GALNT18: variants seen among roughly 807,000 people sequenced by gnomAD.
GALNT18 encodes GalNAc-transferase 18.
A neutral mutation model predicts 69.5 loss-of-function variants in GALNT18; 44 were observed. That is an observed-to-expected ratio of 0.63 (90% CI 0.50 to 0.81). The LOEUF (loss-of-function observed/expected upper bound fraction) is 0.81, where lower values mean the gene tolerates loss of function less well. Among genes scored for constraint, GALNT18 ranks in the 40% least tolerant of loss-of-function variants. GALNT18 has a pLI of 0.00. For missense variants in GALNT18, 715 were observed against 810.0 expected (o/e 0.88, Z 1.42); for synonymous variants, 364 against 318.2 (o/e 1.14, Z -1.53).
At chr11:11,406,756 C>G (rs531980861) in intron 3 of GALNT18, among the ~76,000 whole-genome samples, 1 of 152,312 alleles carries the variant, frequency 6.6e-6, no homozygotes, top group Admixed American at 6.5e-5. Flanking sequence ...ATGGGAGATG[C>G]CTGAGATAAA....
chr11:11,572,183 G>A (rs559094744), intron 1 of GALNT18, among the ~76,000 whole-genome samples: 2 of 152,284 alleles, frequency 1.3e-5, no homozygotes, highest in Admixed American at 6.5e-5. Context: ...GTGTCTTGCC[G>A]GGATCCAGGC....
intron 1 of GALNT18, among the ~76,000 whole-genome samples, chr11:11,450,103 G>A (rs920876688): frequency 6.6e-6 from 1 of 152,202 alleles, no homozygotes; most frequent in African/African-American, 2.4e-5. Context: ...GGACAGGGTC[G>A]TCTATGCTCA....
chr11:11,466,347 G>A (rs1856155590), intron 1 of GALNT18, among the ~76,000 whole-genome samples: 1 of 152,112 alleles, frequency 6.6e-6, no homozygotes, highest in South Asian at 2.1e-4. Context: ...AAATAAATTA[G>A]GTATCACAAA....
chr11:11,469,346 A>G lies in GALNT18; in HGVS notation c.236-20410T>C, dbSNP rs564866330. Among the ~76,000 whole-genome samples the G allele has an allele frequency of 7.9e-5, 12 of 152,258 alleles. No individual in the cohort carries two copies. The highest frequency in any genetic ancestry group is 2.9e-4 in the African/African-American group (12 of 41,532). On this transcript the variant is annotated intron_variant, in intron 1 of 10. Coordinates refer to ENST00000227756, the MANE Select transcript of GALNT18 (RefSeq NM_198516.3). This position sits in a 1 kb window ranked among gnomAD's most constrained non-coding sequence, Gnocchi z 4.2. ...TGAAAGCCTGCCCCTCATTATAAGC[A>G]CTTCCAAGCTTCACAGCAATAGACA...
chr11:11,278,205 A>C (rs905399794), intron 10 of GALNT18, among the ~76,000 whole-genome samples: 1 of 151,990 alleles, frequency 6.6e-6, no homozygotes, highest in African/African-American at 2.4e-5. Flanking sequence ...CCAACACCAT[A>C]ATGGTGGGAG....
intron 3 of GALNT18, among the ~76,000 whole-genome samples, chr11:11,391,135 T>A (rs1854181910): frequency 6.6e-6 from 1 of 152,184 alleles, no homozygotes; most frequent in Non-Finnish European, 1.5e-5. Flanking sequence ...CCCTGGGACA[T>A]CCCCAGGTGC....
intron 1 of GALNT18, among the ~76,000 whole-genome samples, chr11:11,532,058 C>T (rs893137660): frequency 2.0e-5 from 3 of 152,172 alleles, no homozygotes; most frequent in African/African-American, 2.4e-5. Context: ...AAGCTATCTT[C>T]GAGCATTCAT....
chr11:11,458,126 C>A (rs147541535), intron 1 of GALNT18, among the ~76,000 whole-genome samples: 1 of 152,192 alleles, frequency 6.6e-6, no homozygotes, highest in Non-Finnish European at 1.5e-5. Context: ...GTCTGCTATT[C>A]GCTCTCTTTG....
rs1196133624 is a variant in GALNT18 at position 11,523,017 on chromosome 11, C to T, written c.236-74081G>A. ...AGCGCAGTGCAGTCCACTAACAATTCAGGCAGAGGCTCTCCCTTACAAACT... is the reference window on the plus strand; with the variant it reads ...AGCGCAGTGCAGTCCACTAACAATTTAGGCAGAGGCTCTCCCTTACAAACT... On this transcript the variant is annotated intron_variant, in intron 1 of 10. Transcript: ENST00000227756. The surrounding 1 kb of genome is among the most constrained non-coding windows in gnomAD (Gnocchi z 4.3). 6.6e-6 allele frequency among the ~76,000 whole-genome samples: 1 copy of T among 152,216 alleles called. No homozygotes were observed. Among genetic ancestry groups the T allele is most frequent in the African/African-American group, 2.4e-5 (1 of 41,464 alleles).
intron 6 of GALNT18, among the ~76,000 whole-genome samples, chr11:11,370,414 C>T (rs11021822): frequency 0.17 from 26,434 of 152,064 alleles, 2,877 homozygotes; most frequent in East Asian, 0.39. Context: ...GTTTTGCTGA[C>T]GATCAGTGGT....
At chr11:11,460,234 G>A (rs1856010640) in intron 1 of GALNT18, among the ~76,000 whole-genome samples, 1 of 152,172 alleles carries the variant, frequency 6.6e-6, no homozygotes, top group Admixed American at 6.5e-5. Flanking sequence ...ATTAGGATGT[G>A]TACATCTTTG....
rs1373535276 is a variant in GALNT18, at chr11:11,616,139, CA to C, written c.235+5219del. On this transcript the variant is annotated intron_variant, in intron 1 of 10. Coordinates refer to ENST00000227756, the MANE Select transcript of GALNT18 (RefSeq NM_198516.3). This position sits in a 1 kb window ranked among gnomAD's most constrained non-coding sequence, Gnocchi z 4.4. ...GTATAAGCCACCACGCCTGGCCAAA[CA>C]CTGATAGTCTTAGAGAACAATAAGC... is the stretch of plus-strand genomic sequence containing the variant. Among the ~76,000 whole-genome samples the C allele has an allele frequency of 2.0e-5, 3 of 152,176 alleles. No homozygotes were observed. The East Asian group carries it at 5.8e-4, about 29-fold the overall frequency.
chr11:11,380,983 C>A (rs944193945), intron 3 of GALNT18, among the ~76,000 whole-genome samples: 1 of 152,162 alleles, frequency 6.6e-6, no homozygotes, highest in Non-Finnish European at 1.5e-5. Context: ...TCATTCCAGC[C>A]TGGAGAAAAC....
chr11:11,607,648 T>G (rs548516548), intron 1 of GALNT18, among the ~76,000 whole-genome samples: 1 of 152,340 alleles, frequency 6.6e-6, no homozygotes, highest in Non-Finnish European at 1.5e-5. Context: ...CACACCTTCC[T>G]GCCTGCAATT....
chr11:11,272,603 A>G (rs1252027396), intron 10 of GALNT18, among the ~76,000 whole-genome samples: 2 of 152,182 alleles, frequency 1.3e-5, no homozygotes, highest in Non-Finnish European at 2.9e-5. Context: ...ACATTAACTC[A>G]GGGTTCCTGC....
In GALNT18 at chr11:11,372,405, A is replaced by C. The variant is rs936214445; in HGVS notation, c.1092+110T>G. The C allele has an allele frequency of 1.3e-6, 1 of 795,844 alleles. No homozygotes were observed. Among genetic ancestry groups the C allele is most frequent in the Admixed American group, 2.0e-5 (1 of 50,748 alleles). The allele number at this position is 795,844 out of a possible 1,614,324, so 49.3% of individuals were successfully genotyped here. A position where few individuals can be genotyped will look rare whatever the true frequency, so the allele number is the denominator to read the frequency against. ...TCACACACAGGATTCAGGACTGGACATTCAGAATCAGTCTGTGACCCTCAA... is the reference window on the plus strand; with the variant it reads ...TCACACACAGGATTCAGGACTGGACCTTCAGAATCAGTCTGTGACCCTCAA... On this transcript the variant is annotated intron_variant, in intron 6 of 10. Transcript: ENST00000227756. This position sits in a 1 kb window ranked among gnomAD's most constrained non-coding sequence, Gnocchi z 4.9.
chr11:11,297,040 T>C (rs1168263252), intron 9 of GALNT18, among the ~76,000 whole-genome samples: 1 of 152,070 alleles, frequency 6.6e-6, no homozygotes, highest in Non-Finnish European at 1.5e-5. Flanking sequence ...AGAACGATGG[T>C]CCTCAGTGGA....
At chr11:11,411,557 T>G (rs1854727471) in intron 3 of GALNT18, among the ~76,000 whole-genome samples, 1 of 152,198 alleles carries the variant, frequency 6.6e-6, no homozygotes, top group South Asian at 2.1e-4. Context: ...GTGCCTGTTT[T>G]GGCACTGAAA....
chr11:11,588,554 T>A (rs1859278953), intron 1 of GALNT18, among the ~76,000 whole-genome samples: 2 of 152,202 alleles, frequency 1.3e-5, no homozygotes, highest in Admixed American at 6.5e-5. Flanking sequence ...TTCTTCCTTA[T>A]CACTCAGCAT....
Sources: allele counts gnomAD v4.1 joint callset (sites outside exome capture counted in the v4.1 genomes callset), GRCh38; gene constraint gnomAD v4.1.1; non-coding constraint Gnocchi (gnomAD v3.1); transcripts MANE v1.5; gene names NCBI Gene and HGNC (gene_info 2026-07-23, HGNC 2026-07-21).